Variants in RPGRIP1L observed in about 807,000 individuals in gnomAD.
RPGRIP1L encodes protein fantom.
Under a neutral mutation model 160.4 loss-of-function variants are expected in RPGRIP1L, and 131 were observed. That is an observed-to-expected ratio of 0.82 (90% CI 0.71 to 0.94). The LOEUF is 0.94. Among genes scored for constraint, RPGRIP1L ranks in the 40% least tolerant of loss-of-function variants. The probability of loss-of-function intolerance (pLI) is 0.00; values close to 1 mark genes in which losing one functional copy is unlikely to be tolerated. For synonymous variants in RPGRIP1L, 510 were observed against 515.8 expected (o/e 0.99, Z 0.15); for missense variants, 1,522 against 1,535.8 (o/e 0.99, Z 0.15).
chr16:53,625,342 G>T (rs1965032924), intron 22 of RPGRIP1L, among the ~76,000 whole-genome samples: 1 of 151,320 alleles, frequency 6.6e-6, no homozygotes, highest in Non-Finnish European at 1.5e-5. Context: ...TGCCCCATCT[G>T]GGTGGTGGGG....
intron 22 of RPGRIP1L, among the ~76,000 whole-genome samples, chr16:53,622,632 C>T (rs1280800717): frequency 6.6e-6 from 1 of 151,680 alleles, no homozygotes; most frequent in Non-Finnish European, 1.5e-5. Flanking sequence ...CTAAATATCG[C>T]CACAATTGGC....
intron 23 of RPGRIP1L, among the ~76,000 whole-genome samples, chr16:53,620,141 G>A (rs988659819): frequency 1.3e-5 from 2 of 152,094 alleles, no homozygotes; most frequent in Non-Finnish European, 2.9e-5. Flanking sequence ...CTGTTTATAT[G>A]ACCAGCTTTT....
intron 15 of RPGRIP1L, among the ~76,000 whole-genome samples, chr16:53,651,393 C>G (rs1205325729): frequency 6.6e-6 from 1 of 152,180 alleles, no homozygotes; most frequent in African/African-American, 2.4e-5. Flanking sequence ...TTCCCTCTTG[C>G]CTGCTTCAGA....
At chr16:53,684,761 A>G (rs1001258016) in intron 6 of RPGRIP1L, among the ~76,000 whole-genome samples, 1 of 151,906 alleles carries the variant, frequency 6.6e-6, no homozygotes, top group Non-Finnish European at 1.5e-5. Flanking sequence ...ATTAAAAAAA[A>G]AAAAGAAAAC....
At chr16:53,636,612 T>A in intron 21 of RPGRIP1L, 100 bp from the exon 22 acceptor site, 1 of 790,224 alleles carries the variant, frequency 1.3e-6, no homozygotes, top group Non-Finnish European at 2.1e-6. Flanking sequence ...AAGATAACCT[T>A]AAGAAACATG....
rs1389283498 is a variant in RPGRIP1L at position 53,647,700 on chromosome 16, TA to T, written c.2304+1263del. On this transcript the variant is annotated intron_variant, in intron 16 of 26. Transcript: ENST00000647211. ...GGATTGGAGGTGAAGGAGTTCCAAA[TA>T]AAAAAAGAGGTAAGATAATTATGAC... is the stretch of plus-strand genomic sequence containing the variant. 6.6e-5 allele frequency among the ~76,000 whole-genome samples: 10 copies of T among 151,958 alleles called. No individual in the cohort carries two copies. In the East Asian group the frequency reaches 1.9e-3, roughly 29 times the overall value.
In RPGRIP1L at chr16:53,695,903, G is replaced by T. The variant is rs536270537; in HGVS notation, c.230+248C>A. ...TAAACCAAAAGTTATTTATAGGTAT[G>T]ATATACTAACGGCACTCTATTAGCT... On this transcript the variant is annotated intron_variant, in intron 3 of 26. Transcript: ENST00000647211. 1.4e-4 allele frequency: 62 copies of T among 429,114 alleles called. No individual in the cohort carries two copies. In the Middle Eastern group the frequency reaches 2.0e-3, roughly 14 times the overall value. The allele number at this position is 429,114 out of a possible 1,614,324, so 26.6% of individuals were successfully genotyped here.
rs149720661 is a variant in RPGRIP1L, at chr16:53,643,372, C to T, written c.2684-1897G>A. Among the ~76,000 whole-genome samples, 13 of 151,074 alleles carry T rather than the reference C, an allele frequency of 8.6e-5. No homozygotes were observed. The East Asian group carries it at 2.5e-3, about 29-fold the overall frequency. On this transcript the variant is annotated intron_variant, in intron 17 of 26. Coordinates refer to ENST00000647211, the MANE Select transcript of RPGRIP1L (RefSeq NM_015272.5). The stretch of plus-strand genomic sequence containing the variant: ...TATTTATAGCTCATGATGTGGAAGG[C>T]TATGGGCACACACACAAAACTGTGT...
At chr16:53,670,858 G>C (rs1203001945) in intron 9 of RPGRIP1L, among the ~76,000 whole-genome samples, 1 of 152,138 alleles carries the variant, frequency 6.6e-6, no homozygotes, top group Admixed American at 6.5e-5. Context: ...ACTTTCGGAG[G>C]CTGAGGCAGG....
rs1279236196 is a variant in RPGRIP1L, at chr16:53,694,447, A to T, written c.230+1704T>A. On this transcript the variant is annotated intron_variant, in intron 3 of 26. Coordinates refer to ENST00000647211, the MANE Select transcript of RPGRIP1L (RefSeq NM_015272.5). ...GACTTCCTCTCAAAAAAAAAAAAAAAAAAAATTAAAAAATAAAAAGGTAGT... is the reference window on the plus strand; with the variant it reads ...GACTTCCTCTCAAAAAAAAAAAAAATAAAAATTAAAAAATAAAAAGGTAGT... 7 of 151,952 alleles carry T rather than the reference A, an allele frequency of 4.6e-5. No individual in the cohort carries two copies. In the East Asian group the frequency reaches 9.6e-4, roughly 21 times the overall value. 9.4% of individuals were successfully genotyped at this position (151,952 alleles called of 1,614,324 possible).
chr16:53,658,739 G>C (rs776996351), intron 11 of RPGRIP1L, 33 bp downstream of exon 11: 3 of 1,401,768 alleles, frequency 2.1e-6, no homozygotes, highest in East Asian at 2.4e-5. Context: ...TAAAAATTCT[G>C]AGTTTTATTT....
chr16:53,639,195 A>G (rs1966047108), intron 19 of RPGRIP1L, among the ~76,000 whole-genome samples: 1 of 151,966 alleles, frequency 6.6e-6, no homozygotes, highest in African/African-American at 2.4e-5. Context: ...TACTATTTTT[A>G]AAAGTAAACA....
intron 6 of RPGRIP1L, among the ~76,000 whole-genome samples, chr16:53,683,647 T>TG (rs754562241): frequency 5.1e-4 from 76 of 149,392 alleles, no homozygotes; most frequent in Admixed American, 1.5e-3. Context: ...GATGTGTATG[T>TG]GGGGGTTCAA....
intron 4 of RPGRIP1L, among the ~76,000 whole-genome samples, chr16:53,690,831 GGTCA>G (rs1191875767): frequency 2.6e-5 from 4 of 152,090 alleles, no homozygotes; most frequent in African/African-American, 9.7e-5. Context: ...ATGAGGCTGA[GGTCA>G]GTATTATCTT....
At chr16:53,656,618 T>A in intron 13 of RPGRIP1L, 29 bp from the exon 14 acceptor site, 3 of 1,379,556 alleles carry the variant, frequency 2.2e-6, no homozygotes, top group Non-Finnish European at 2.1e-6. Context: ...TAAGTTTTAA[T>A]ACTTATGATT....
At chr16:53,659,072 T>C (rs772692480) in intron 10 of RPGRIP1L, 194 bp from the exon 11 acceptor site, 12 of 611,656 alleles carry the variant, frequency 2.0e-5, no homozygotes, top group Non-Finnish European at 2.7e-5. Context: ...GTGTCTACCA[T>C]ATGATTCACT....
At chr16:53,622,870 G>A (rs1836350328) in intron 22 of RPGRIP1L, among the ~76,000 whole-genome samples, 1 of 150,700 alleles carries the variant, frequency 6.6e-6, no homozygotes, top group South Asian at 2.1e-4. Flanking sequence ...GGAGTGGCAT[G>A]TGCCTGTGGT....
intron 4 of RPGRIP1L, among the ~76,000 whole-genome samples, chr16:53,691,635 T>C (rs909734242): frequency 6.6e-5 from 10 of 152,242 alleles, no homozygotes; most frequent in Non-Finnish European, 1.3e-4. Context: ...TGCCATGTCA[T>C]GCTACCGCCA....
At chr16:53,608,024 C>T in intron 25 of RPGRIP1L, 4 of 965,486 alleles carry the variant, frequency 4.1e-6, no homozygotes, top group Non-Finnish European at 4.9e-6. Flanking sequence ...AGATGTCAAG[C>T]ACTCAGGTGG....
Sources: gnomAD v4.1 joint callset for allele counts (sites outside exome capture counted in the v4.1 genomes callset) on GRCh38, gnomAD v4.1.1 for gene constraint, MANE v1.5 for transcripts, NCBI Gene and HGNC (gene_info 2026-07-23, HGNC 2026-07-21) for gene names.